NCKAP5: variants seen among roughly 807,000 people sequenced by gnomAD.
The protein encoded by NCKAP5 is nck-associated protein 5.
Under a neutral mutation model 167.0 loss-of-function variants are expected in NCKAP5, and 92 were observed. That is an observed-to-expected ratio of 0.55 (90% CI 0.47 to 0.66). NCKAP5 has a LOEUF of 0.66. Ranked by LOEUF, NCKAP5 falls within the 30% of genes least tolerant of loss-of-function variation. The probability of loss-of-function intolerance (pLI) is 0.00; values close to 1 mark genes in which losing one functional copy is unlikely to be tolerated. For missense variants in NCKAP5, 2,378 were observed against 2,315.0 expected (o/e 1.03, Z -0.56); for synonymous variants, 891 against 877.4 (o/e 1.02, Z -0.27).
At chr2:133,621,831 A>C in the NCKAP5 span, among the ~76,000 whole-genome samples, 1 of 152,114 alleles carries the variant, frequency 6.6e-6, no homozygotes, top group Non-Finnish European at 1.5e-5. Context: ...GACATAACAA[A>C]AAAAGAAAAC....
chr2:133,585,942 G>A, the NCKAP5 span, among the ~76,000 whole-genome samples: 1 of 152,018 alleles, frequency 6.6e-6, no homozygotes, highest in Non-Finnish European at 1.5e-5. Flanking sequence ...ATGTGTTTTG[G>A]CAAAAATAAT....
chr2:133,548,188 A>G (rs1384492763), intron 2 of NCKAP5, among the ~76,000 whole-genome samples: 1 of 151,974 alleles, frequency 6.6e-6, no homozygotes, highest in Non-Finnish European at 1.5e-5. Flanking sequence ...AAAAAGAATA[A>G]AAAGAAATGA....
At chr2:132,911,625 T>C (rs2148955616) in intron 8 of NCKAP5, among the ~76,000 whole-genome samples, 1 of 152,300 alleles carries the variant, frequency 6.6e-6, no homozygotes, top group South Asian at 2.1e-4. Context: ...TCTTCTTTTG[T>C]GTTTGTATGT....
At chr2:133,554,929 T>C (rs143724144) in intron 2 of NCKAP5, among the ~76,000 whole-genome samples, 1 of 152,228 alleles carries the variant, frequency 6.6e-6, no homozygotes, top group Admixed American at 6.5e-5. Flanking sequence ...AAGCACTGCA[T>C]AGCTACCAAA....
intron 3 of NCKAP5, among the ~76,000 whole-genome samples, chr2:133,428,443 T>C (rs1010415020): frequency 3.3e-5 from 5 of 152,160 alleles, no homozygotes; most frequent in Non-Finnish European, 5.9e-5. Context: ...GAACATTTCA[T>C]TAGAACCCTA....
At chr2:133,246,775 A>G (rs1317869201) in intron 4 of NCKAP5, among the ~76,000 whole-genome samples, 1 of 152,250 alleles carries the variant, frequency 6.6e-6, no homozygotes, top group Non-Finnish European at 1.5e-5. Flanking sequence ...TGCAGAATTC[A>G]TTTGAACAAG....
In NCKAP5 at chr2:133,084,720, C is replaced by G. The variant is rs554189491; in HGVS notation, c.341+45258G>C. On this transcript the variant is annotated intron_variant, in intron 6 of 19. Coordinates refer to ENST00000409261, the MANE Select transcript of NCKAP5 (RefSeq NM_207363.3). The stretch of plus-strand genomic sequence containing the variant: ...CAAGCTTTCCACTACTGAAAGCCTC[C>G]TCTTTCAAGAGACTTACAGCCACCA... Among the ~76,000 whole-genome samples, 4 of 152,292 alleles carry G rather than the reference C, an allele frequency of 2.6e-5. No homozygotes were observed. The South Asian group carries it at 6.2e-4, about 24-fold the overall frequency.
intron 4 of NCKAP5, among the ~76,000 whole-genome samples, chr2:133,289,404 T>C (rs1679398047): frequency 1.7e-5 from 1 of 58,786 alleles, no homozygotes; most frequent in African/African-American, 7.1e-5. Flanking sequence ...TTGTTATTTG[T>C]GCTAAGCTCC....
At chr2:133,181,817 C>A (rs911522758) in intron 5 of NCKAP5, among the ~76,000 whole-genome samples, 70 of 151,966 alleles carry the variant, frequency 4.6e-4, no homozygotes, top group African/African-American at 1.6e-3. Context: ...CAGATTTGTA[C>A]TTGTACAGTG....
intron 3 of NCKAP5, among the ~76,000 whole-genome samples, chr2:133,329,553 G>A (rs1682690489): frequency 6.6e-6 from 1 of 152,138 alleles, no homozygotes; most frequent in Non-Finnish European, 1.5e-5. Flanking sequence ...TGGGCAAGGT[G>A]TTTGGAAAGA....
the NCKAP5 span, among the ~76,000 whole-genome samples, chr2:133,670,225 G>T: frequency 6.6e-6 from 1 of 152,124 alleles, no homozygotes; most frequent in Admixed American, 6.5e-5. Context: ...AGAATAAATG[G>T]GATAATGCAT....
chr2:133,562,464 T>C (rs555121141), intron 1 of NCKAP5, among the ~76,000 whole-genome samples: 65 of 152,346 alleles, frequency 4.3e-4, no homozygotes, highest in Non-Finnish European at 7.8e-4. Context: ...ATCAGTTCTA[T>C]GTTTCTAGAT....
chr2:133,111,181 G>C (rs2081898307), intron 6 of NCKAP5, among the ~76,000 whole-genome samples: 1 of 152,186 alleles, frequency 6.6e-6, no homozygotes, highest in Non-Finnish European at 1.5e-5. Context: ...AGAGGAAAGA[G>C]AGAAGCCTTC....
intron 4 of NCKAP5, among the ~76,000 whole-genome samples, chr2:133,265,795 T>C (rs2089172788): frequency 6.6e-6 from 1 of 152,130 alleles, no homozygotes; most frequent in Non-Finnish European, 1.5e-5. Flanking sequence ...CCCAGGCCTC[T>C]GACCTCGCTG....
chr2:133,325,000 G>A (rs746071702), intron 3 of NCKAP5, among the ~76,000 whole-genome samples: 1 of 152,160 alleles, frequency 6.6e-6, no homozygotes, highest in Non-Finnish European at 1.5e-5. Flanking sequence ...GAGCCACCAC[G>A]CCCAGCCTGC....
chr2:133,276,020 A>G, intron 4 of NCKAP5, among the ~76,000 whole-genome samples: 1 of 151,850 alleles, frequency 6.6e-6, no homozygotes, highest in Non-Finnish European at 1.5e-5. Flanking sequence ...CACCCCTGAG[A>G]GAGCAAGACC....
intron 3 of NCKAP5, among the ~76,000 whole-genome samples, chr2:133,318,509 C>T (rs189055096): frequency 2.0e-5 from 3 of 152,266 alleles, no homozygotes; most frequent in East Asian, 3.9e-4. Flanking sequence ...GTAAACAGCA[C>T]TGCTGCCTTG....
intron 6 of NCKAP5, among the ~76,000 whole-genome samples, chr2:133,033,527 G>A (rs1376719133): frequency 2.0e-5 from 3 of 152,132 alleles, no homozygotes; most frequent in Non-Finnish European, 2.9e-5. Context: ...AGGAACCAGA[G>A]ACCAAACTTG....
chr2:133,398,049 C>T (rs113543377), intron 3 of NCKAP5, among the ~76,000 whole-genome samples: 3 of 152,112 alleles, frequency 2.0e-5, no homozygotes, highest in South Asian at 2.1e-4. Flanking sequence ...AGTGAATCTG[C>T]CAGCATTGCA....
Sources: gnomAD v4.1 joint callset for allele counts (sites outside exome capture counted in the v4.1 genomes callset) on GRCh38, gnomAD v4.1.1 for gene constraint, MANE v1.5 for transcripts, NCBI Gene and HGNC (gene_info 2026-07-23, HGNC 2026-07-21) for gene names.